RIN3: variants seen among roughly 807,000 people sequenced by gnomAD.
The protein encoded by RIN3 is Ras and Rab interactor 3, also known as RAB5 interacting protein 3.
In RIN3, 54 loss-of-function variants were observed where a neutral mutation model predicts 76.3. The ratio of observed to expected loss-of-function variants is 0.71; its 90% CI spans 0.57 to 0.89. The LOEUF is 0.89. RIN3 is among the 40% of genes least tolerant of loss of function. The pLI is 0.00. For synonymous variants in RIN3, 576 were observed against 564.0 expected, an observed-to-expected ratio of 1.02 and a Z score of -0.30; for missense variants, 1,256 against 1,322.1, an observed-to-expected ratio of 0.95 and a Z score of 0.78.
chr14:92,573,585 T>C (rs1898126277), intron 2 of RIN3, among the ~76,000 whole-genome samples: 1 of 152,198 alleles, frequency 6.6e-6, no homozygotes, highest in African/African-American at 2.4e-5. Context: ...AGTCCCTGTT[T>C]AGTAGCAGAA....
In RIN3 at chr14:92,514,048, T is replaced by C. The variant is rs1896369205; in HGVS notation, c.44+72T>C. 6.6e-6 allele frequency: 7 copies of C among 1,058,198 alleles called. No individual in the cohort carries two copies. Among genetic ancestry groups the C allele is most frequent in the Non-Finnish European group, 8.5e-6 (7 of 828,036 alleles). 65.6% of individuals were successfully genotyped at this position (1,058,198 alleles called of 1,614,324 possible). ...CGCGTCCTGGCCGCCCCACTCCACTTCTTGTCCCAGAGAGTCCTTCGGGCG... is the reference window on the plus strand; with the variant it reads ...CGCGTCCTGGCCGCCCCACTCCACTCCTTGTCCCAGAGAGTCCTTCGGGCG... On this transcript the variant is annotated intron_variant, in intron 1 of 9. Coordinates refer to ENST00000216487, the MANE Select transcript of RIN3 (RefSeq NM_024832.5). This position sits in a 1 kb window ranked among gnomAD's most constrained non-coding sequence, Gnocchi z 7.2.
chr14:92,687,225 G>A (rs1033468884), intron 9 of RIN3: 5 of 152,318 alleles, frequency 3.3e-5, no homozygotes, highest in Non-Finnish European at 7.3e-5. Flanking sequence ...AGGCCACACA[G>A]GCAGTGGGAG....
intron 5 of RIN3, 124 bp downstream of exon 5, chr14:92,641,453 AC>A (rs1391166046): frequency 1.5e-6 from 1 of 678,068 alleles, no homozygotes; most frequent in Non-Finnish European, 2.6e-6. Flanking sequence ...GACCACCCAC[AC>A]CCCTGCCTCA....
At chr14:92,664,027 G>C (rs1887982267) in intron 7 of RIN3, among the ~76,000 whole-genome samples, 1 of 152,102 alleles carries the variant, frequency 6.6e-6, no homozygotes, top group South Asian at 2.1e-4. Flanking sequence ...TAGGATACAG[G>C]AACAGCTGCC....
At chr14:92,569,072 C>T (rs1897992268) in intron 2 of RIN3, among the ~76,000 whole-genome samples, 1 of 152,250 alleles carries the variant, frequency 6.6e-6, no homozygotes, top group Admixed American at 6.5e-5. Flanking sequence ...GCCGTTTTAA[C>T]TTCTGCCTCC....
rs1384912835 is a variant in RIN3, at chr14:92,651,973, C to T, written c.924C>T (p.Ala308=). ...PVLPALAPAP[A]CPLPTSPPVP... is the part of the protein sequence containing the mutation. Reference sequence around the variant, plus strand: ...TCCCTGCTCTTGCCCCCGCCCCTGCCTGTCCTTTGCCCACCTCTCCCCCAG... The same window carrying T: ...TCCCTGCTCTTGCCCCCGCCCCTGCTTGTCCTTTGCCCACCTCTCCCCCAG... The change falls in exon 6 of 10, where the codon GCC becomes GCT. Residue 308 remains alanine (A), a synonymous_variant. Transcript: ENST00000216487. 6.5e-7 allele frequency: 1 copy of T among 1,536,390 alleles called. No homozygotes were observed. The highest frequency in any genetic ancestry group is 8.8e-7 in the Non-Finnish European group (1 of 1,135,140).
intron 5 of RIN3, among the ~76,000 whole-genome samples, chr14:92,646,596 C>T (rs1326194835): frequency 2.0e-5 from 3 of 152,162 alleles, no homozygotes; most frequent in East Asian, 1.9e-4. Context: ...CCTGCCACCA[C>T]GCCTGACTAA....
chr14:92,515,327 A>G (rs1384681289), intron 1 of RIN3: 1 of 690,322 alleles, frequency 1.4e-6, no homozygotes, highest in Admixed American at 2.1e-5. Context: ...GAAGCCGGAG[A>G]GGAGTTTCTC....
At chr14:92,642,878 C>T (rs112181155) in intron 5 of RIN3, among the ~76,000 whole-genome samples, 147 of 152,234 alleles carry the variant, frequency 9.7e-4, no homozygotes, top group African/African-American at 3.2e-3. Context: ...GCCATTGGCT[C>T]GTCGCAGCTT....
At chr14:92,667,516 CA>C (rs113465136) in intron 7 of RIN3, among the ~76,000 whole-genome samples, 175 of 129,596 alleles carry the variant, frequency 1.4e-3, no homozygotes, top group South Asian at 4.1e-3. Context: ...GACTCCGTCT[CA>C]AAAAAAAAAA....
chr14:92,652,785 G>A lies in RIN3; in HGVS notation c.1736G>A (p.Arg579Gln), dbSNP rs775462459. Residue 579 changes from arginine (R) to glutamine (Q), a missense_variant, in exon 6 of 10, where the codon CGG becomes CAG. Arg to Gln is a conservative substitution (Grantham distance 43, BLOSUM62 1). Coordinates refer to ENST00000216487, the MANE Select transcript of RIN3 (RefSeq NM_024832.5). This position sits in a 1 kb window ranked among gnomAD's most constrained non-coding sequence, Gnocchi z 6.4. ...CCCTCCATGATCCTGGGCAAGGCTCGGCACCGGCTGAGCTTTGCCAGTTTC... is the reference window on the plus strand; with the variant it reads ...CCCTCCATGATCCTGGGCAAGGCTCAGCACCGGCTGAGCTTTGCCAGTTTC... ...KKPSMILGKA[R>Q]HRLSFASFSS... 70 of 1,613,886 alleles carry A rather than the reference G, an allele frequency of 4.3e-5. 1 individual carries two copies. The highest frequency in any genetic ancestry group is 8.3e-5 in the Admixed American group (5 of 60,012).
chr14:92,542,891 A>G (rs1595400546), intron 1 of RIN3, among the ~76,000 whole-genome samples: 1 of 152,198 alleles, frequency 6.6e-6, no homozygotes, highest in South Asian at 2.1e-4. Context: ...AGGCAAATCT[A>G]TAAAGACAGA....
chr14:92,522,319 G>GGTGTGT (rs58386124), intron 1 of RIN3, among the ~76,000 whole-genome samples: 18 of 150,152 alleles, frequency 1.2e-4, no homozygotes, highest in African/African-American at 4.1e-4. Flanking sequence ...GTATGTATGT[G>GGTGTGT]GTGTGTGTGT....
At chr14:92,663,359 G>T (rs1238597485) in intron 7 of RIN3, among the ~76,000 whole-genome samples, 2 of 152,236 alleles carry the variant, frequency 1.3e-5, no homozygotes, top group Non-Finnish European at 2.9e-5. Context: ...AAAGGCAGCT[G>T]CTGGAAAGGG....
intron 1 of RIN3, among the ~76,000 whole-genome samples, chr14:92,520,460 A>G (rs1896567407): frequency 6.6e-6 from 1 of 152,170 alleles, no homozygotes; most frequent in Admixed American, 6.5e-5. Flanking sequence ...GGTGGCCTCC[A>G]TTTTGCTACT....
At position 92,648,980 on chromosome 14, in the gene RIN3, G is replaced by A. The variant is rs1482691477; in HGVS notation, c.533-2602G>A. 6.6e-6 allele frequency among the ~76,000 whole-genome samples: 1 copy of A among 152,210 alleles called. No individual in the cohort carries two copies. Among genetic ancestry groups the A allele is most frequent in the Non-Finnish European group, 1.5e-5 (1 of 68,030 alleles). Reference sequence around the variant, plus strand: ...GGTGGGGCAGCGCATGGCACGTGGAGGAAGGAGTGAACGGCAGATAGAGTG... The same window carrying A: ...GGTGGGGCAGCGCATGGCACGTGGAAGAAGGAGTGAACGGCAGATAGAGTG... On this transcript the variant is annotated intron_variant, in intron 5 of 9. Coordinates refer to ENST00000216487, the MANE Select transcript of RIN3 (RefSeq NM_024832.5). The surrounding 1 kb of genome is among the most constrained non-coding windows in gnomAD (Gnocchi z 4.1).
Position 92,685,631 on chromosome 14 carries a change from G to A in RIN3, c.2631+481G>A, listed in dbSNP as rs1008388350. 2.6e-5 allele frequency: 4 copies of A among 152,834 alleles called. No individual in the cohort carries two copies. Among genetic ancestry groups the A allele is most frequent in the Admixed American group, 2.6e-4 (4 of 15,548 alleles). 9.5% of individuals were successfully genotyped at this position (152,834 alleles called of 1,614,324 possible). On this transcript the variant is annotated intron_variant, in intron 9 of 9. Transcript: ENST00000216487. This position sits in a 1 kb window ranked among gnomAD's most constrained non-coding sequence, Gnocchi z 4.7. ...CCATACCTCTCTCTATACAGACTCAGTATTCAAACCAGTCCCGCCCCTCCC... is the reference window on the plus strand; with the variant it reads ...CCATACCTCTCTCTATACAGACTCAATATTCAAACCAGTCCCGCCCCTCCC...
At chr14:92,595,586 C>A (rs944851137) in intron 3 of RIN3, among the ~76,000 whole-genome samples, 2 of 152,104 alleles carry the variant, frequency 1.3e-5, no homozygotes, top group African/African-American at 4.8e-5. Flanking sequence ...GAAGTGTGAG[C>A]AGTGTTAGAG....
chr14:92,664,919 C>T (rs913112186), intron 7 of RIN3, among the ~76,000 whole-genome samples: 1 of 152,148 alleles, frequency 6.6e-6, no homozygotes, highest in Admixed American at 6.5e-5. Context: ...TTTAGAATTT[C>T]CCCCTCATGT....
Sources: allele counts gnomAD v4.1 joint callset (sites outside exome capture counted in the v4.1 genomes callset), GRCh38; gene constraint gnomAD v4.1.1; non-coding constraint Gnocchi (gnomAD v3.1); transcripts MANE v1.5; gene names NCBI Gene and HGNC (gene_info 2026-07-23, HGNC 2026-07-21).